GDE1: variants seen among roughly 807,000 people sequenced by gnomAD.
GDE1 encodes glycerophosphodiester phosphodiesterase 1.
Under a neutral mutation model 32.2 loss-of-function variants are expected in GDE1, and 24 were observed. The ratio of observed to expected loss-of-function variants is 0.75; its 90% CI spans 0.54 to 1.05. GDE1 has a LOEUF of 1.05. Ranked by LOEUF, GDE1 falls within the 50% of genes least tolerant of loss-of-function variation. The probability of loss-of-function intolerance (pLI) is 0.00; values close to 1 mark genes in which losing one functional copy is unlikely to be tolerated. For missense variants in GDE1, 380 were observed against 415.0 expected, an observed-to-expected ratio of 0.92 and a Z score of 0.73; for synonymous variants, 159 against 158.6, an observed-to-expected ratio of 1.00 and a Z score of -0.02.
chr16:19,504,861 T>TA lies in GDE1; in HGVS notation c.848+19dup, dbSNP rs750924151. 1.2e-5 allele frequency: 19 copies of TA among 1,522,266 alleles called. No homozygotes were observed. In the South Asian group the frequency reaches 2.0e-4, roughly 16 times the overall value. The allele number at this position is 1,522,266 out of a possible 1,614,324, so 94.3% of individuals were successfully genotyped here. ...ATTCAGGATGTCTGTCTGGGTAAAATAAAAAACCTTCCAACTTACGGGGAT... is the reference window on the plus strand; with the variant it reads ...ATTCAGGATGTCTGTCTGGGTAAAATAAAAAAACCTTCCAACTTACGGGGAT... On this transcript the variant is annotated intron_variant, in intron 5 of 5. Coordinates refer to ENST00000353258, the MANE Select transcript of GDE1 (RefSeq NM_016641.4).
intron 1 of GDE1, among the ~76,000 whole-genome samples, chr16:19,521,071 C>T (rs1364481867): frequency 6.6e-6 from 1 of 152,184 alleles, no homozygotes; most frequent in Non-Finnish European, 1.5e-5. Flanking sequence ...TTAGACTAAC[C>T]TCAATTACTG....
chr16:19,504,532 G>A (rs1394313182), intron 5 of GDE1: 1 of 200,100 alleles, frequency 5.0e-6, no homozygotes, highest in Non-Finnish European at 1.0e-5. Context: ...TAGTGGGGAG[G>A]CTGGTGCCCA....
In GDE1 at chr16:19,507,636, A is replaced by G. The variant is rs896593288; in HGVS notation, c.636+51T>C. 3.3e-6 allele frequency: 3 copies of G among 919,722 alleles called. No individual in the cohort carries two copies. The Admixed American group carries it at 5.2e-5, about 16-fold the overall frequency. The allele number at this position is 919,722 out of a possible 1,614,324, so 57.0% of individuals were successfully genotyped here. A position where few individuals can be genotyped will look rare whatever the true frequency, so the allele number is the denominator to read the frequency against. ...TCCTGTGCTTACGCAGCCCATTGCA[A>G]TTATCTACACCAGCTCACCTAATAT... is the stretch of plus-strand genomic sequence containing the variant. On this transcript the variant is annotated intron_variant, in intron 4 of 5. Transcript: ENST00000353258.
At chr16:19,503,729 C>T (rs569283655) in intron 5 of GDE1, 112 bp from the exon 6 acceptor site, 2 of 871,630 alleles carry the variant, frequency 2.3e-6, no homozygotes, top group South Asian at 1.6e-5. Context: ...CAGAGAATGC[C>T]TCCTAACTGG....
rs1221914962 is a variant in GDE1, at chr16:19,503,362, T to C, written c.*108A>G. 1 of 962,510 alleles carries C rather than the reference T, an allele frequency of 1.0e-6. No individual in the cohort carries two copies. The highest frequency in any genetic ancestry group is 1.6e-5 in the African/African-American group (1 of 61,404). 59.6% of individuals were successfully genotyped at this position (962,510 alleles called of 1,614,324 possible). A position where few individuals can be genotyped will look rare whatever the true frequency, so the allele number is the denominator to read the frequency against. On this transcript the variant is annotated 3_prime_UTR_variant, in exon 6 of 6. Transcript: ENST00000353258. ...ATGCAGTGACCAACTATTGCATTTGTGTGAGTCACCTGATTCCCCAGGGCC... is the reference window on the plus strand; with the variant it reads ...ATGCAGTGACCAACTATTGCATTTGCGTGAGTCACCTGATTCCCCAGGGCC...
intron 2 of GDE1, among the ~76,000 whole-genome samples, chr16:19,513,133 A>G (rs551330191): frequency 6.6e-6 from 1 of 151,950 alleles, no homozygotes; most frequent in Admixed American, 6.6e-5. Context: ...TTGCTTTTCT[A>G]TTTCTCTGAA....
chr16:19,519,511 A>T (rs1005562949), intron 1 of GDE1, among the ~76,000 whole-genome samples: 1 of 151,860 alleles, frequency 6.6e-6, no homozygotes, highest in Non-Finnish European at 1.5e-5. Flanking sequence ...TATAGTGTAA[A>T]CATAACTTTT....
intron 3 of GDE1, among the ~76,000 whole-genome samples, chr16:19,510,585 G>T (rs1376648213): frequency 1.3e-5 from 2 of 151,814 alleles, no homozygotes; most frequent in Non-Finnish European, 2.9e-5. Flanking sequence ...AATGCTTTAT[G>T]TAAATAATAG....
Position 19,509,040 on chromosome 16 carries a change from A to G in GDE1, c.544-1261T>C, listed in dbSNP as rs1292017192. On this transcript the variant is annotated intron_variant, in intron 3 of 5. Transcript: ENST00000353258. ...AGAGAAGCCAGGCGTGGTGGCTCAC[A>G]CCTGTAATCCCAGCACTTTGGGAGG... Among the ~76,000 whole-genome samples, 3 of 152,288 alleles carry G rather than the reference A, an allele frequency of 2.0e-5. No individual in the cohort carries two copies. The East Asian group carries it at 5.8e-4, about 29-fold the overall frequency.
In GDE1 at chr16:19,510,871, T is replaced by C. The variant is rs750430541; in HGVS notation, c.511A>G (p.Ile171Val). The C allele has an allele frequency of 1.3e-6, 2 of 1,597,182 alleles. No individual in the cohort carries two copies. Among genetic ancestry groups the C allele is most frequent in the Admixed American group, 3.4e-5 (2 of 58,552 alleles). The change falls in exon 3 of 6, where the codon ATC becomes GTC. Residue 171 changes from isoleucine to valine, a missense_variant. Ile to Val is a conservative substitution (Grantham distance 29, BLOSUM62 3). Transcript: ENST00000353258. ...GCATGGCCTTTGACATCAAAGAAGA[T>C]TGTGAGGTTATGGTTTAGGCACTCT... ...VAECLNHNLT[I>V]FFDVKGHAHK...
chr16:19,521,632 G>A, intron 1 of GDE1, 72 bp downstream of exon 1: 1 of 1,531,254 alleles, frequency 6.5e-7, no homozygotes. Context: ...AGAAGATCGG[G>A]GAACCCTGGG....
At chr16:19,521,403 T>C in intron 1 of GDE1, 1 of 398,174 alleles carries the variant, frequency 2.5e-6, no homozygotes, top group East Asian at 3.7e-5. Flanking sequence ...GTTTAAGGCT[T>C]GCCTCCCCCA....
chr16:19,512,927 TTGTGTGTGTGTG>T (rs144957791), intron 2 of GDE1, among the ~76,000 whole-genome samples: 21 of 137,002 alleles, frequency 1.5e-4, no homozygotes, highest in South Asian at 4.9e-4. Context: ...TGTATCTGTT[TTGTGTGTGTGTG>T]TGTGTGTGTG....
At chr16:19,508,630 A>T (rs1377307282) in intron 3 of GDE1, among the ~76,000 whole-genome samples, 2 of 145,760 alleles carry the variant, frequency 1.4e-5, no homozygotes, top group Non-Finnish European at 3.0e-5. Context: ...AGCTATAGAA[A>T]GCATTTTTTT....
intron 2 of GDE1, among the ~76,000 whole-genome samples, chr16:19,511,648 T>G (rs1380029550): frequency 1.3e-5 from 2 of 152,142 alleles, no homozygotes; most frequent in African/African-American, 2.4e-5. Context: ...ACACTAGAAT[T>G]TATACCTTCT....
chr16:19,521,643 A>G, intron 1 of GDE1, 61 bp downstream of exon 1: 3 of 1,564,324 alleles, frequency 1.9e-6, no homozygotes, highest in Non-Finnish European at 2.6e-6. Context: ...GAACCCTGGG[A>G]AGGAAAAGTA....
chr16:19,507,842 A>G, intron 3 of GDE1, 63 bp from the exon 4 acceptor site: 1 of 763,982 alleles, frequency 1.3e-6, no homozygotes. Context: ...GCCCCAGCCA[A>G]TAACTATCAC....
intron 1 of GDE1, 48 bp downstream of exon 1, chr16:19,521,656 A>G (rs762094667): frequency 1.0e-5 from 16 of 1,588,828 alleles, no homozygotes; most frequent in Admixed American, 1.7e-5. Flanking sequence ...GAAAAGTAGA[A>G]GTCCGAGCTC....
At chr16:19,511,055 A>G (rs940292409) in intron 2 of GDE1, 111 bp from the exon 3 acceptor site, 35 of 564,496 alleles carry the variant, frequency 6.2e-5, no homozygotes, top group Non-Finnish European at 1.1e-4. Flanking sequence ...GTTTTCTCCA[A>G]CTTCCTTTTT....
Sources: allele counts gnomAD v4.1 joint callset (sites outside exome capture counted in the v4.1 genomes callset), GRCh38; gene constraint gnomAD v4.1.1; transcripts MANE v1.5; gene names NCBI Gene and HGNC (gene_info 2026-07-23, HGNC 2026-07-21).